The following SPDYA variants were observed in gnomAD, a reference collection of about 807,000 sequenced individuals.
The protein encoded by SPDYA is speedy/RINGO cell cycle regulator family member A.
In SPDYA, 11 loss-of-function variants were observed where a neutral mutation model predicts 36.7. The observed-to-expected ratio is 0.30, with a 90% CI of 0.19 to 0.50. SPDYA has a LOEUF of 0.50. SPDYA is among the 20% of genes least tolerant of loss of function. The pLI, the probability that SPDYA is intolerant of heterozygous loss-of-function variation, is 0.98. For synonymous variants in SPDYA, 115 were observed against 118.7 expected, an observed-to-expected ratio of 0.97 and a Z score of 0.20; for missense variants, 287 against 370.9, an observed-to-expected ratio of 0.77 and a Z score of 1.86.
Position 28,816,197 on chromosome 2 carries a change from A to G in SPDYA, c.183A>G (p.Gly61=). 1 of 1,613,944 alleles carries G rather than the reference A, an allele frequency of 6.2e-7. No homozygotes were observed. The highest frequency in any genetic ancestry group is 8.5e-7 in the Non-Finnish European group (1 of 1,179,944). Residue 61 remains glycine (G), a synonymous_variant, in exon 3 of 8, where the codon GGA becomes GGG. Coordinates refer to ENST00000334056, the MANE Select transcript of SPDYA (RefSeq NM_182756.4). ...ACAACAAATCTAAACGCCCCAAAGG[A>G]CCTTGTCTGGTTATACAGCGTCAGG... The part of the protein sequence containing the change: ...HNNNKSKRPK[G]PCLVIQRQDM...
chr2:28,839,957 A>G (rs1668710020), intron 6 of SPDYA, among the ~76,000 whole-genome samples: 1 of 152,220 alleles, frequency 6.6e-6, no homozygotes, highest in Non-Finnish European at 1.5e-5. Context: ...CCTGTTTAAA[A>G]TAATTTACTT....
intron 7 of SPDYA, among the ~76,000 whole-genome samples, chr2:28,843,912 C>A: frequency 6.6e-6 from 1 of 151,812 alleles, no homozygotes; most frequent in African/African-American, 2.4e-5. Flanking sequence ...CCATGTGAAA[C>A]ATAGATATAT....
chr2:28,846,740 C>T (rs1668886968), intron 7 of SPDYA, among the ~76,000 whole-genome samples: 1 of 150,016 alleles, frequency 6.7e-6, no homozygotes, highest in Non-Finnish European at 1.5e-5. Flanking sequence ...CACACACACA[C>T]ACACACACAC....
intron 5 of SPDYA, among the ~76,000 whole-genome samples, chr2:28,827,366 T>G (rs1316896935): frequency 6.6e-6 from 1 of 152,242 alleles, no homozygotes. Flanking sequence ...TATAAAATTT[T>G]CCATTTATAA....
rs980012966 is a variant in SPDYA at position 28,815,322 on chromosome 2, A to T, written c.-19+636A>T. 4.2e-5 allele frequency among the ~76,000 whole-genome samples: 6 copies of T among 144,422 alleles called. No individual in the cohort carries two copies. In the Admixed American group the frequency reaches 4.2e-4, roughly 10 times the overall value. 94.7% of individuals were successfully genotyped at this position (144,422 alleles called of 152,430 possible). ...CACACACACACACACACACACACAC[A>T]CACACGAGAAAAAAAGGAAAACAGA... On this transcript the variant is annotated intron_variant, in intron 2 of 7. Transcript: ENST00000334056.
rs200009876 is a variant in SPDYA, at chr2:28,819,849, AATATATATATAT to A, written c.294+786_294+797del. Among the ~76,000 whole-genome samples, 102 of 17,780 alleles carry A rather than the reference AATATATATATAT, an allele frequency of 5.7e-3. 1 individual carries two copies. The highest frequency in any genetic ancestry group is 0.016 in the African/African-American group (60 of 3,836). 11.7% of individuals were successfully genotyped at this position (17,780 alleles called of 152,430 possible). A position where few individuals can be genotyped will look rare whatever the true frequency, so the allele number is the denominator to read the frequency against. On this transcript the variant is annotated intron_variant, in intron 4 of 7. Coordinates refer to ENST00000334056, the MANE Select transcript of SPDYA (RefSeq NM_182756.4). ...AAAAAAAAAAAAAAAAAAAAAAAAA[AATATATATATAT>A]ATATATATATATATATATATATATA...
At chr2:28,819,985 TG>T in intron 4 of SPDYA, among the ~76,000 whole-genome samples, 1 of 148,986 alleles carries the variant, frequency 6.7e-6, no homozygotes, top group South Asian at 2.1e-4. Context: ...CACTCCAGCC[TG>T]GGTGACAGAG....
chr2:28,840,019 TGCCTTATCTGGAA>T (rs1668711256), intron 6 of SPDYA, among the ~76,000 whole-genome samples, 140 bp from the exon 7 acceptor site: 1 of 152,230 alleles, frequency 6.6e-6, no homozygotes, highest in African/African-American at 2.4e-5. Flanking sequence ...TTAGTAATAT[TGCCTTATCTGGAA>T]GTGCTTTGTT....
intron 7 of SPDYA, among the ~76,000 whole-genome samples, chr2:28,843,844 A>C (rs184404651): frequency 4.3e-4 from 66 of 151,864 alleles, no homozygotes; most frequent in African/African-American, 1.5e-3. Context: ...TAATAACTAA[A>C]CTACTATTGT....
chr2:28,817,625 C>CA (rs1354151373), intron 3 of SPDYA, among the ~76,000 whole-genome samples: 1 of 151,534 alleles, frequency 6.6e-6, no homozygotes, highest in Admixed American at 6.6e-5. Flanking sequence ...CCTGTAATCC[C>CA]AGCACTTTAG....
At chr2:28,822,722 C>T (rs1668199539) in intron 5 of SPDYA, among the ~76,000 whole-genome samples, 3 of 152,182 alleles carry the variant, frequency 2.0e-5, no homozygotes, top group African/African-American at 7.2e-5. Flanking sequence ...ATTATCCTGC[C>T]TCAGCCTCCC....
chr2:28,836,607 A>G (rs760087909), intron 6 of SPDYA, among the ~76,000 whole-genome samples: 4 of 152,080 alleles, frequency 2.6e-5, no homozygotes, highest in African/African-American at 4.8e-5. Context: ...ACTCTATTAC[A>G]TTTTATTACT....
intron 4 of SPDYA, among the ~76,000 whole-genome samples, chr2:28,819,842 AAAAAAAAATATATATATATATATATAT>A (rs1668095746): frequency 2.1e-5 from 1 of 47,394 alleles, no homozygotes; most frequent in African/African-American, 1.0e-4. Flanking sequence ...AAAAAAAAAA[AAAAAAAAATATATATATATATATATAT>A]ATATATATAT....
At chr2:28,837,682 A>G (rs569508104) in intron 6 of SPDYA, among the ~76,000 whole-genome samples, 1 of 152,184 alleles carries the variant, frequency 6.6e-6, no homozygotes, top group East Asian at 1.9e-4. Context: ...TCAAAGACAC[A>G]CAATAAGTAA....
intron 1 of SPDYA, among the ~76,000 whole-genome samples, chr2:28,813,240 G>T (rs1572484878): frequency 1.3e-5 from 2 of 152,264 alleles, no homozygotes; most frequent in Admixed American, 6.5e-5. Context: ...ATACATAAGG[G>T]TTTAGAGGAA....
At chr2:28,849,330 C>G (rs1315196942) in intron 7 of SPDYA, among the ~76,000 whole-genome samples, 2 of 152,076 alleles carry the variant, frequency 1.3e-5, no homozygotes, top group Non-Finnish European at 2.9e-5. Context: ...CTCGCCCTGT[C>G]ACCCAGGCTG....
intron 3 of SPDYA, among the ~76,000 whole-genome samples, chr2:28,816,492 G>C (rs1040911064): frequency 4.0e-5 from 6 of 151,852 alleles, no homozygotes; most frequent in Non-Finnish European, 8.8e-5. Flanking sequence ...CTTAAATCCA[G>C]ATGTCAAATG....
chr2:28,850,284 A>C lies in SPDYA; in HGVS notation c.*343A>C. The C allele has an allele frequency of 3.1e-6, 5 of 1,602,616 alleles. No homozygotes were observed. The South Asian group carries it at 5.6e-5, about 18-fold the overall frequency. On this transcript the variant is annotated 3_prime_UTR_variant, in exon 8 of 8. Coordinates refer to ENST00000334056, the MANE Select transcript of SPDYA (RefSeq NM_182756.4). Reference sequence around the variant, plus strand: ...AAAACATAAAGTCATTATATTAATTAAAAGAAAAAACACCATTTAATATGT... The same window carrying C: ...AAAACATAAAGTCATTATATTAATTCAAAGAAAAAACACCATTTAATATGT...
rs895081250 is a variant in SPDYA at position 28,817,121 on chromosome 2, C to T, written c.235+872C>T. ...AGAAAAAGATATAAAGATGCTTCCC[C>T]ATCAGATTTAGAATGTTAATAAAAG... On this transcript the variant is annotated intron_variant, in intron 3 of 7. Transcript: ENST00000334056. Among the ~76,000 whole-genome samples the T allele has an allele frequency of 2.6e-5, 4 of 152,248 alleles. No individual in the cohort carries two copies. In the East Asian group the frequency reaches 5.8e-4, roughly 22 times the overall value.
Sources: allele counts gnomAD v4.1 joint callset (sites outside exome capture counted in the v4.1 genomes callset), GRCh38; gene constraint gnomAD v4.1.1; transcripts MANE v1.5; gene names NCBI Gene and HGNC (gene_info 2026-07-23, HGNC 2026-07-21).